The following SYT13 variants were observed in gnomAD, a reference collection of about 807,000 sequenced individuals.
SYT13 encodes the protein synaptotagmin-13.
SYT13 carries 21 observed loss-of-function variants against 38.6 expected under a neutral mutation model. The observed-to-expected ratio is 0.54, with a 90% confidence interval of 0.39 to 0.78. The LOEUF is 0.78. Among genes scored for constraint, SYT13 ranks in the 30% least tolerant of loss-of-function variants. The probability of loss-of-function intolerance (pLI) is 0.00; values close to 1 mark genes in which losing one functional copy is unlikely to be tolerated. For synonymous variants in SYT13, 241 were observed against 237.6 expected (o/e 1.01, Z -0.13); for missense variants, 495 against 548.7 (o/e 0.90, Z 0.98).
intron 5 of SYT13, among the ~76,000 whole-genome samples, chr11:45,245,475 G>GA (rs1854602967): frequency 6.6e-6 from 1 of 152,192 alleles, no homozygotes; most frequent in Non-Finnish European, 1.5e-5. Context: ...TTTGACCTTT[G>GA]ACTCAGGAAC....
rs115474644 is a variant in SYT13 at position 45,252,006 on chromosome 11, G to A, written c.846+415C>T. On this transcript the variant is annotated intron_variant, in intron 4 of 5. Coordinates refer to ENST00000020926, the MANE Select transcript of SYT13 (RefSeq NM_020826.3). The surrounding 1 kb of genome is among the most constrained non-coding windows in gnomAD (Gnocchi z 4.3). ...TTTGTCCCCTAGTCTGTACACTCCT[G>A]AGTGGTGGGGCTCCACCCTTCATGC... Among the ~76,000 whole-genome samples, 461 of 152,324 alleles carry A rather than the reference G, an allele frequency of 3.0e-3. 2 individuals are homozygous for A. The highest frequency in any genetic ancestry group is 0.011 in the African/African-American group (443 of 41,576).
At chr11:45,268,300 C>G (rs953704084) in intron 1 of SYT13, among the ~76,000 whole-genome samples, 2 of 150,052 alleles carry the variant, frequency 1.3e-5, no homozygotes, top group Non-Finnish European at 2.9e-5. Flanking sequence ...GTGGGGTAGA[C>G]AGCAAGAAGC....
At chr11:45,280,966 G>C (rs1374212526) in intron 1 of SYT13, among the ~76,000 whole-genome samples, 1 of 152,198 alleles carries the variant, frequency 6.6e-6, no homozygotes, top group Non-Finnish European at 1.5e-5. Flanking sequence ...AGACCGAGAT[G>C]GGCGGATCAC....
At chr11:45,248,239 G>T (rs944509735) in intron 4 of SYT13, among the ~76,000 whole-genome samples, 4 of 152,202 alleles carry the variant, frequency 2.6e-5, no homozygotes, top group African/African-American at 9.7e-5. Context: ...TAAACACTGT[G>T]TGTGAAGTGC....
At chr11:45,278,828 G>A (rs1036652358) in intron 1 of SYT13, among the ~76,000 whole-genome samples, 1 of 152,134 alleles carries the variant, frequency 6.6e-6, no homozygotes, top group South Asian at 2.1e-4. Flanking sequence ...TTTCCAGCGG[G>A]TATGTGCTCA....
Position 45,244,164 on chromosome 11 carries a change from A to T in SYT13, c.1169T>A (p.Leu390His). 1 of 1,614,012 alleles carries T rather than the reference A, an allele frequency of 6.2e-7. No homozygotes were observed. The change falls in exon 6 of 6, where the codon CTT becomes CAT. Residue 390 changes from leucine to histidine, a missense_variant. Leu to His is a moderately conservative substitution (Grantham distance 99). Transcript: ENST00000020926. ...GTGCAGGCCCAGGCTGCAGTGGCCA[A>T]GCGCACAGCTCTGCCCTGAATCGTC... is the stretch of plus-strand genomic sequence containing the variant. Reference protein sequence around the residue: ...GQDDSGQSCALGHCSLGLHTS... With the variant: ...GQDDSGQSCAHGHCSLGLHTS...
intron 1 of SYT13, among the ~76,000 whole-genome samples, chr11:45,267,445 G>A (rs1167098394): frequency 2.0e-5 from 3 of 152,126 alleles, no homozygotes; most frequent in African/African-American, 7.2e-5. Flanking sequence ...CATTTGGGGA[G>A]TGCACAGTTC....
At chr11:45,278,077 C>G (rs1396589587) in intron 1 of SYT13, among the ~76,000 whole-genome samples, 1 of 152,162 alleles carries the variant, frequency 6.6e-6, no homozygotes, top group Non-Finnish European at 1.5e-5. Flanking sequence ...TCCTTTATAA[C>G]TCTATTAGTT....
chr11:45,268,274 G>A (rs961444527), intron 1 of SYT13, among the ~76,000 whole-genome samples: 2 of 152,048 alleles, frequency 1.3e-5, no homozygotes, highest in African/African-American at 2.4e-5. Flanking sequence ...CTGTCCTTAT[G>A]GAGTGGACAT....
chr11:45,247,821 T>C (rs1854631150), intron 4 of SYT13, among the ~76,000 whole-genome samples: 2 of 152,232 alleles, frequency 1.3e-5, no homozygotes, highest in South Asian at 2.1e-4. Flanking sequence ...TGCAGTCACA[T>C]GGGGAAGACA....
chr11:45,269,423 T>A (rs192974975), intron 1 of SYT13: 1 of 1,233,730 alleles, frequency 8.1e-7, no homozygotes, highest in African/African-American at 1.6e-5. Flanking sequence ...ATTTCCTTCT[T>A]GTAGGTGGCC....
chr11:45,244,441 C>T, intron 5 of SYT13, 85 bp from the exon 6 acceptor site: 1 of 1,472,572 alleles, frequency 6.8e-7, no homozygotes, highest in Non-Finnish European at 9.2e-7. Context: ...GGACAAAGCT[C>T]CCTCCTGGTG....
intron 1 of SYT13, among the ~76,000 whole-genome samples, chr11:45,282,416 C>T (rs184869335): frequency 3.3e-5 from 5 of 152,180 alleles, no homozygotes; most frequent in South Asian, 2.1e-4. Context: ...AATGAATGGC[C>T]GAGGGCTGCC....
chr11:45,268,263 A>G lies in SYT13; in HGVS notation c.184-12372T>C, dbSNP rs76000269. Among the ~76,000 whole-genome samples, 1,212 of 152,234 alleles carry G rather than the reference A, an allele frequency of 8.0e-3. 14 individuals are homozygous for G. Among genetic ancestry groups the G allele is most frequent in the African/African-American group, 0.027 (1,117 of 41,542 alleles). ...ACTGCCCGAACAACACTGTCTGATCACTGTCCTTATGGAGTGGACATTTCC... is the reference window on the plus strand; with the variant it reads ...ACTGCCCGAACAACACTGTCTGATCGCTGTCCTTATGGAGTGGACATTTCC... On this transcript the variant is annotated intron_variant, in intron 1 of 5. Coordinates refer to ENST00000020926, the MANE Select transcript of SYT13 (RefSeq NM_020826.3).
Position 45,243,639 on chromosome 11 carries a change from G to T in SYT13, c.*413C>A, listed in dbSNP as rs1854579379. 6.3e-6 allele frequency: 1 copy of T among 158,278 alleles called. No individual in the cohort carries two copies. The highest frequency in any genetic ancestry group is 2.4e-5 in the African/African-American group (1 of 41,594). 9.8% of individuals were successfully genotyped at this position (158,278 alleles called of 1,614,324 possible). A position where few individuals can be genotyped will look rare whatever the true frequency, so the allele number is the denominator to read the frequency against. On this transcript the variant is annotated 3_prime_UTR_variant, in exon 6 of 6. Coordinates refer to ENST00000020926, the MANE Select transcript of SYT13 (RefSeq NM_020826.3). ...CTGGCTAAGGTTTCTTTCCACCTGGGCAATCTCTAACTCTAGGAGTTGATC... is the reference window on the plus strand; with the variant it reads ...CTGGCTAAGGTTTCTTTCCACCTGGTCAATCTCTAACTCTAGGAGTTGATC...
Position 45,252,864 on chromosome 11 carries a change from G to C in SYT13, c.545-142C>G. On this transcript the variant is annotated intron_variant, in intron 3 of 5. Coordinates refer to ENST00000020926, the MANE Select transcript of SYT13 (RefSeq NM_020826.3). This position sits in a 1 kb window ranked among gnomAD's most constrained non-coding sequence, Gnocchi z 4.3. Reference sequence around the variant, plus strand: ...GAAAGGCTGACCACCCTGGGCACCAGGGAATCGCCTTTCAGTGAGACATTT... The same window carrying C: ...GAAAGGCTGACCACCCTGGGCACCACGGAATCGCCTTTCAGTGAGACATTT... The C allele has an allele frequency of 1.3e-6, 1 of 767,210 alleles. No individual in the cohort carries two copies. Among genetic ancestry groups the C allele is most frequent in the South Asian group, 3.1e-5 (1 of 31,844 alleles). 47.5% of individuals were successfully genotyped at this position (767,210 alleles called of 1,614,324 possible).
Position 45,281,615 on chromosome 11 carries a change from C to A in SYT13, c.183+4410G>T, listed in dbSNP as rs11038379. Among the ~76,000 whole-genome samples, 3 of 150,456 alleles carry A rather than the reference C, an allele frequency of 2.0e-5. No homozygotes were observed. The East Asian group carries it at 5.9e-4, about 29-fold the overall frequency. On this transcript the variant is annotated intron_variant, in intron 1 of 5. Coordinates refer to ENST00000020926, the MANE Select transcript of SYT13 (RefSeq NM_020826.3). ...CCAGGAGGTGGAGGTTGCAGTGAGC[C>A]GAGATCATGCCACTGTACTCCATCC...
intron 1 of SYT13, among the ~76,000 whole-genome samples, chr11:45,272,391 G>T (rs1447796891): frequency 6.6e-6 from 1 of 152,206 alleles, no homozygotes; most frequent in Admixed American, 6.5e-5. Context: ...TGTGTCACTG[G>T]ATGTCTGCAG....
chr11:45,245,233 G>A (rs1231202649), intron 5 of SYT13, among the ~76,000 whole-genome samples: 1 of 152,212 alleles, frequency 6.6e-6, no homozygotes. Context: ...GAGCTTTCAT[G>A]TCACATCACA....
Sources: allele counts gnomAD v4.1 joint callset (sites outside exome capture counted in the v4.1 genomes callset), GRCh38; gene constraint gnomAD v4.1.1; non-coding constraint Gnocchi (gnomAD v3.1); transcripts MANE v1.5; gene names NCBI Gene and HGNC (gene_info 2026-07-23, HGNC 2026-07-21).